Variants in SLC25A16 observed in about 807,000 individuals in gnomAD.
SLC25A16 encodes mitochondrial coenzyme A transporter SLC25A16.
A neutral mutation model predicts 41.5 loss-of-function variants in SLC25A16; 39 were observed. The observed-to-expected ratio is 0.94, with a 90% CI of 0.73 to 1.23. SLC25A16 has a LOEUF of 1.23. SLC25A16 is among the 50% of genes most tolerant of loss of function. The probability of loss-of-function intolerance (pLI) is 0.00; values close to 1 mark genes in which losing one functional copy is unlikely to be tolerated. For missense variants in SLC25A16, 421 were observed against 426.9 expected (o/e 0.99, Z 0.12); for synonymous variants, 146 against 147.8 (o/e 0.99, Z 0.09).
intron 2 of SLC25A16, among the ~76,000 whole-genome samples, chr10:68,515,110 A>C (rs2053138305): frequency 6.7e-6 from 1 of 150,212 alleles, no homozygotes; most frequent in Non-Finnish European, 1.5e-5. Context: ...TAATCCCAGC[A>C]CTTTGGGAGG....
At chr10:68,508,789 T>C (rs9415905) in intron 2 of SLC25A16, among the ~76,000 whole-genome samples, 8,554 of 152,204 alleles carry the variant, frequency 0.056, 291 homozygotes, top group South Asian at 0.09. Flanking sequence ...CTGTTTAATT[T>C]GATCCAAAAG....
chr10:68,478,068 T>C lies in SLC25A16; in HGVS notation c.*5364A>G, dbSNP rs1366420461. ...ACATGTTACAGTTTCATTTGAACAGTGTATTACTGTATTAAAGTATAGCAT... is the reference window on the plus strand; with the variant it reads ...ACATGTTACAGTTTCATTTGAACAGCGTATTACTGTATTAAAGTATAGCAT... On this transcript the variant is annotated 3_prime_UTR_variant, in exon 9 of 9. Transcript: ENST00000609923. 1 of 152,200 alleles carries C rather than the reference T, an allele frequency of 6.6e-6. No individual in the cohort carries two copies. The highest frequency in any genetic ancestry group is 1.5e-5 in the Non-Finnish European group (1 of 68,040). The allele number at this position is 152,200 out of a possible 1,614,324, so 9.4% of individuals were successfully genotyped here.
At position 68,483,118 on chromosome 10, in the gene SLC25A16, T is replaced by A. The variant is rs536645371; in HGVS notation, c.*314A>T. 4.3e-5 allele frequency: 8 copies of A among 187,434 alleles called. No individual in the cohort carries two copies. The East Asian group carries it at 8.8e-4, about 21-fold the overall frequency. 11.6% of individuals were successfully genotyped at this position (187,434 alleles called of 1,614,324 possible). ...TAACAATTAAAAACTTTGAACAGCA[T>A]GACAAAGCTAATGGCAACCTCTTGA... is the stretch of plus-strand genomic sequence containing the variant. On this transcript the variant is annotated 3_prime_UTR_variant, in exon 9 of 9. Coordinates refer to ENST00000609923, the MANE Select transcript of SLC25A16 (RefSeq NM_152707.4).
intron 1 of SLC25A16, among the ~76,000 whole-genome samples, chr10:68,519,051 G>T (rs2053208711): frequency 6.6e-6 from 1 of 151,700 alleles, no homozygotes; most frequent in South Asian, 2.1e-4. Flanking sequence ...AATTAGCTGG[G>T]TGTGATGACG....
At position 68,486,722 on chromosome 10, in the gene SLC25A16, C is replaced by T. The variant is rs1016155502; in HGVS notation, c.842+422G>A. 2.6e-5 allele frequency among the ~76,000 whole-genome samples: 4 copies of T among 151,606 alleles called. No homozygotes were observed. The East Asian group carries it at 7.8e-4, about 30-fold the overall frequency. Reference sequence around the variant, plus strand: ...GATTAGAACCTGATTATAGACCAGGCAGGCAGGCAGATCACTTGAGGTCAG... The same window carrying T: ...GATTAGAACCTGATTATAGACCAGGTAGGCAGGCAGATCACTTGAGGTCAG... On this transcript the variant is annotated intron_variant, in intron 8 of 8. Transcript: ENST00000609923.
chr10:68,495,505 C>A (rs900281463), intron 4 of SLC25A16, among the ~76,000 whole-genome samples: 2 of 151,616 alleles, frequency 1.3e-5, no homozygotes, highest in Non-Finnish European at 2.9e-5. Flanking sequence ...ACTCTAGGGC[C>A]GGAAACAGTG....
intron 1 of SLC25A16, among the ~76,000 whole-genome samples, chr10:68,526,122 G>A (rs368932359): frequency 6.6e-6 from 1 of 151,860 alleles, no homozygotes; most frequent in Non-Finnish European, 1.5e-5. Context: ...AGTATAAGAG[G>A]AAGGCATGCC....
Position 68,480,927 on chromosome 10 carries a change from T to C in SLC25A16, c.*2505A>G, listed in dbSNP as rs1176383278. Reference sequence around the variant, plus strand: ...TTTCTTTTTTTTTTCTTTTATACAGTCTCTGTATAAAAGAAATTTTTGTAC... The same window carrying C: ...TTTCTTTTTTTTTTCTTTTATACAGCCTCTGTATAAAAGAAATTTTTGTAC... On this transcript the variant is annotated 3_prime_UTR_variant, in exon 9 of 9. Transcript: ENST00000609923. 2 of 150,440 alleles carry C rather than the reference T, an allele frequency of 1.3e-5. No homozygotes were observed. Among genetic ancestry groups the C allele is most frequent in the Admixed American group, 1.3e-4 (2 of 15,046 alleles). The allele number at this position is 150,440 out of a possible 1,614,324, so 9.3% of individuals were successfully genotyped here.
chr10:68,520,770 C>T (rs935641636), intron 1 of SLC25A16, among the ~76,000 whole-genome samples: 1 of 147,252 alleles, frequency 6.8e-6, no homozygotes, highest in Non-Finnish European at 1.5e-5. Flanking sequence ...CACAATTGCA[C>T]CATTACACTC....
intron 2 of SLC25A16, among the ~76,000 whole-genome samples, chr10:68,513,042 AAAC>A: frequency 6.6e-6 from 1 of 152,122 alleles, no homozygotes; most frequent in East Asian, 1.9e-4. Flanking sequence ...TCCGTCTGAT[AAAC>A]AAAACAAAAC....
Sources: allele counts gnomAD v4.1 joint callset (sites outside exome capture counted in the v4.1 genomes callset), GRCh38; gene constraint gnomAD v4.1.1; transcripts MANE v1.5; gene names NCBI Gene and HGNC (gene_info 2026-07-23, HGNC 2026-07-21).